The following ARL5B variants were observed in gnomAD, a reference collection of about 807,000 sequenced individuals.
The protein encoded by ARL5B is ARF like GTPase 5B, also known as ADP-ribosylation factor-like protein 5B.
A neutral mutation model predicts 26.9 loss-of-function variants in ARL5B; 10 were observed. The observed-to-expected ratio is 0.37, with a 90% CI of 0.23 to 0.63. The LOEUF is 0.63. Ranked by LOEUF, ARL5B falls within the 30% of genes least tolerant of loss-of-function variation. The pLI is 0.62. For missense variants in ARL5B, 167 were observed against 213.9 expected (o/e 0.78, Z 1.37); for synonymous variants, 87 against 70.4 (o/e 1.24, Z -1.18).
intron 3 of ARL5B, among the ~76,000 whole-genome samples, chr10:18,670,570 C>G (rs1011792528): frequency 6.6e-6 from 1 of 152,094 alleles, no homozygotes; most frequent in African/African-American, 2.4e-5. Flanking sequence ...GAGATAGCAC[C>G]ACTGCACTCC....
chr10:18,662,050 A>G (rs1255267949), intron 1 of ARL5B, among the ~76,000 whole-genome samples: 2 of 152,220 alleles, frequency 1.3e-5, no homozygotes, highest in Non-Finnish European at 2.9e-5. Context: ...ATCTTAGCCT[A>G]TATTTTTGTT....
At chr10:18,665,496 C>T (rs2059857520) in intron 1 of ARL5B, among the ~76,000 whole-genome samples, 1 of 152,160 alleles carries the variant, frequency 6.6e-6, no homozygotes, top group Non-Finnish European at 1.5e-5. Context: ...ATTGGAAGAC[C>T]TGCACATCTC....
At chr10:18,665,725 T>A (rs982136561) in intron 1 of ARL5B, among the ~76,000 whole-genome samples, 2 of 152,328 alleles carry the variant, frequency 1.3e-5, no homozygotes. Context: ...CCTGTTGATG[T>A]TAACTTGTAA....
At chr10:18,670,767 A>G (rs557688762) in intron 3 of ARL5B, among the ~76,000 whole-genome samples, 6 of 152,342 alleles carry the variant, frequency 3.9e-5, no homozygotes, top group East Asian at 1.9e-4. Context: ...TAGTGAATCC[A>G]TATGTACTTA....
chr10:18,664,237 C>T (rs1382447710), intron 1 of ARL5B, among the ~76,000 whole-genome samples: 5 of 152,000 alleles, frequency 3.3e-5, no homozygotes. Flanking sequence ...CAGGTGTGAG[C>T]CACCATGCCT....
At chr10:18,668,724 A>G in intron 3 of ARL5B, 47 bp downstream of exon 3, 4 of 1,583,150 alleles carry the variant, frequency 2.5e-6, no homozygotes, top group Non-Finnish European at 3.4e-6. Context: ...TCCCTAGAGT[A>G]AACATAGAAA....
chr10:18,664,880 G>C (rs755637107), intron 1 of ARL5B, among the ~76,000 whole-genome samples: 4 of 152,184 alleles, frequency 2.6e-5, no homozygotes, highest in Non-Finnish European at 5.9e-5. Context: ...GAGCAGGATT[G>C]TTTGCAAATG....
chr10:18,664,296 A>C (rs893925873), intron 1 of ARL5B, among the ~76,000 whole-genome samples: 3 of 152,030 alleles, frequency 2.0e-5, no homozygotes, highest in Non-Finnish European at 2.9e-5. Flanking sequence ...TGTATTGCCC[A>C]GTTTGGTCTC....
intron 1 of ARL5B, among the ~76,000 whole-genome samples, chr10:18,661,091 T>C (rs1363604252): frequency 1.3e-5 from 2 of 152,170 alleles, no homozygotes; most frequent in African/African-American, 4.8e-5. Flanking sequence ...TCAGGTGATC[T>C]ACCCACCTCG....
chr10:18,669,297 G>T lies in ARL5B; in HGVS notation c.255+620G>T, dbSNP rs150906877. 2.4e-3 allele frequency among the ~76,000 whole-genome samples: 368 copies of T among 152,224 alleles called. 2 individuals are homozygous for T. The highest frequency in any genetic ancestry group is 3.8e-3 in the Non-Finnish European group (260 of 68,024). ...CTCCAGGGTTGGAGAGATCTGACAC[G>T]TGGAGATATTATGTAGGTTTCCCCA... On this transcript the variant is annotated intron_variant, in intron 3 of 5. Transcript: ENST00000377275.
Position 18,674,136 on chromosome 10 carries a change from G to A in ARL5B, c.491+1G>A. 6.2e-7 allele frequency: 1 copy of A among 1,607,062 alleles called. No homozygotes were observed. ...CCTGCTGTGCTCTCACAGGAGAAGG[G>A]TAAGTTCATCCGTCTGAGGGGAGGT... On this transcript the variant is annotated splice_donor_variant, in intron 5 of 5. Transcript: ENST00000377275. LOFTEE classifies it high-confidence loss of function.
At chr10:18,663,255 G>A (rs953681248) in intron 1 of ARL5B, among the ~76,000 whole-genome samples, 8 of 152,080 alleles carry the variant, frequency 5.3e-5, no homozygotes, top group Middle Eastern at 3.2e-3. Context: ...TGATCTACTC[G>A]CCTCCCAAAG....
intron 1 of ARL5B, among the ~76,000 whole-genome samples, chr10:18,660,797 G>A (rs1458980763): frequency 6.6e-6 from 1 of 152,140 alleles, no homozygotes; most frequent in African/African-American, 2.4e-5. Flanking sequence ...ATTTCAAAGT[G>A]AGCAGAGCTT....
At chr10:18,674,272 C>A in intron 5 of ARL5B, 137 bp downstream of exon 5, 1 of 708,178 alleles carries the variant, frequency 1.4e-6, no homozygotes, top group Non-Finnish European at 2.1e-6. Flanking sequence ...TATAATGTGT[C>A]TCAGGCTTAC....
At chr10:18,659,804 A>AG in intron 1 of ARL5B, 121 bp downstream of exon 1, 1 of 1,518,762 alleles carries the variant, frequency 6.6e-7, no homozygotes, top group Admixed American at 2.1e-5. Flanking sequence ...GACTTAGGCC[A>AG]GGGGGCGGGC....
chr10:18,661,138 C>A (rs768392569), intron 1 of ARL5B, among the ~76,000 whole-genome samples: 3 of 152,160 alleles, frequency 2.0e-5, no homozygotes, highest in Non-Finnish European at 4.4e-5. Context: ...TGTGAGCCAC[C>A]GCGCCCAGCG....
intron 1 of ARL5B, among the ~76,000 whole-genome samples, chr10:18,661,654 GA>G (rs34909390): frequency 1.2e-4 from 18 of 151,902 alleles, no homozygotes; most frequent in African/African-American, 1.9e-4. Context: ...AGACAAACAT[GA>G]AAAAAAATGC....
Position 18,676,654 on chromosome 10 carries a change from A to G in ARL5B, c.*1438A>G, listed in dbSNP as rs2059911708. On this transcript the variant is annotated 3_prime_UTR_variant, in exon 6 of 6. Coordinates refer to ENST00000377275, the MANE Select transcript of ARL5B (RefSeq NM_178815.5). ...ATTTTTGCAGTACTTTTTAATTTTGATAAAAAAGATACAAAGTTCATAATA... is the reference window on the plus strand; with the variant it reads ...ATTTTTGCAGTACTTTTTAATTTTGGTAAAAAAGATACAAAGTTCATAATA... 1 of 152,070 alleles carries G rather than the reference A, an allele frequency of 6.6e-6. No homozygotes were observed. The highest frequency in any genetic ancestry group is 1.5e-5 in the Non-Finnish European group (1 of 67,912). 9.4% of individuals were successfully genotyped at this position (152,070 alleles called of 1,614,324 possible).
chr10:18,663,546 C>CTT (rs10645351), intron 1 of ARL5B, among the ~76,000 whole-genome samples: 48,906 of 97,926 alleles, frequency 0.5, 14,452 homozygotes, highest in East Asian at 0.78. Flanking sequence ...TTATTCTGCT[C>CTT]TTTTTTTTTT....
Sources: gnomAD v4.1 joint callset for allele counts (sites outside exome capture counted in the v4.1 genomes callset) on GRCh38, gnomAD v4.1.1 for gene constraint, MANE v1.5 for transcripts, NCBI Gene and HGNC (gene_info 2026-07-23, HGNC 2026-07-21) for gene names.